The following LCP1 variants were observed in gnomAD, a reference collection of about 807,000 sequenced individuals.
LCP1 encodes lymphocyte cytosolic protein 1, also known as plastin-2.
A neutral mutation model predicts 72.0 loss-of-function variants in LCP1; 23 were observed. The observed-to-expected ratio is 0.32, with a 90% confidence interval of 0.23 to 0.45. The LOEUF is 0.45. LCP1 is among the 20% of genes least tolerant of loss of function. The pLI, the probability that LCP1 is intolerant of heterozygous loss-of-function variation, is 1.00. For missense variants in LCP1, 571 were observed against 748.3 expected (o/e 0.76, Z 2.76); for synonymous variants, 245 against 275.4 (o/e 0.89, Z 1.09).
At chr13:46,155,424 G>A (rs1019583021) in intron 5 of LCP1, among the ~76,000 whole-genome samples, 5 of 152,182 alleles carry the variant, frequency 3.3e-5, no homozygotes, top group African/African-American at 1.2e-4. Context: ...CAGATTGGGG[G>A]AAGACCATGG....
intron 1 of LCP1, among the ~76,000 whole-genome samples, chr13:46,163,154 A>G (rs536820497): frequency 1.1e-3 from 167 of 152,380 alleles, no homozygotes; most frequent in African/African-American, 4.0e-3. Context: ...CAGCTCATTG[A>G]GAACGGGCCA....
At chr13:46,146,129 A>G (rs2045729373) in intron 10 of LCP1, among the ~76,000 whole-genome samples, 1 of 152,136 alleles carries the variant, frequency 6.6e-6, no homozygotes, top group South Asian at 2.1e-4. Flanking sequence ...GAGTCAACAA[A>G]ATACACACAA....
Position 46,177,677 on chromosome 13 carries a change from C to T in LCP1, c.-25+4434G>A, listed in dbSNP as rs187556518. 4.6e-5 allele frequency among the ~76,000 whole-genome samples: 7 copies of T among 152,122 alleles called. No individual in the cohort carries two copies. In the East Asian group the frequency reaches 7.7e-4, roughly 17 times the overall value. ...TCGCGCCACTGCACTCCAGCCTGGG[C>T]GACAGAGTGAAACTCTGTCTCAAAA... is the stretch of plus-strand genomic sequence containing the variant. On this transcript the variant is annotated intron_variant, in intron 1 of 15. Transcript: ENST00000323076.
chr13:46,126,781 C>T lies in LCP1; in HGVS notation c.*810G>A, dbSNP rs958230489. The T allele has an allele frequency of 1.3e-5, 3 of 231,014 alleles. No individual in the cohort carries two copies. Among genetic ancestry groups the T allele is most frequent in the Admixed American group, 5.6e-5 (1 of 17,720 alleles). 14.3% of individuals were successfully genotyped at this position (231,014 alleles called of 1,614,324 possible). ...TGCTCCATTACACCCTCCTTGGATCCAACCTTCCATTAAGGCTGAAGGCTC... is the reference window on the plus strand; with the variant it reads ...TGCTCCATTACACCCTCCTTGGATCTAACCTTCCATTAAGGCTGAAGGCTC... On this transcript the variant is annotated 3_prime_UTR_variant, in exon 16 of 16. Transcript: ENST00000323076.
At chr13:46,171,375 G>A (rs889255766) in intron 1 of LCP1, among the ~76,000 whole-genome samples, 1 of 152,084 alleles carries the variant, frequency 6.6e-6, no homozygotes, top group Admixed American at 6.5e-5. Flanking sequence ...TGTTAATTAG[G>A]GAAACACATA....
chr13:46,170,202 C>T (rs1357117646), intron 1 of LCP1, among the ~76,000 whole-genome samples: 1 of 152,216 alleles, frequency 6.6e-6, no homozygotes, highest in African/African-American at 2.4e-5. Context: ...CTGAAAGGTA[C>T]AGACACCCAA....
At chr13:46,174,376 T>C (rs2045918161) in intron 1 of LCP1, among the ~76,000 whole-genome samples, 1 of 152,182 alleles carries the variant, frequency 6.6e-6, no homozygotes, top group Admixed American at 6.5e-5. Flanking sequence ...ATGTATAACA[T>C]TTCTTTTATC....
rs1454106582 is a variant in LCP1, at chr13:46,158,985, A to G, written c.69T>C (p.Thr23=). Residue 23 remains threonine, a synonymous_variant, in exon 3 of 16, where the codon ACT becomes ACC. Transcript: ENST00000323076. ...TGAAGCTGATGTATCCATTGCCATC[A>G]GTATCTGTAATGTACACAATATACT... ...ELREAFAKVD[T]DGNGYISFNE... 6.2e-7 allele frequency: 1 copy of G among 1,614,046 alleles called. No homozygotes were observed. Among genetic ancestry groups the G allele is most frequent in the Non-Finnish European group, 8.5e-7 (1 of 1,180,010 alleles).
chr13:46,162,863 C>G (rs2045851278), intron 1 of LCP1, among the ~76,000 whole-genome samples: 1 of 151,788 alleles, frequency 6.6e-6, no homozygotes, highest in Admixed American at 6.6e-5. Context: ...AGGAGCGTCT[C>G]TGCACGGCTG....
At chr13:46,181,913 G>A (rs548172921) in intron 1 of LCP1, among the ~76,000 whole-genome samples, 198 bp downstream of exon 1, 6 of 152,256 alleles carry the variant, frequency 3.9e-5, no homozygotes, top group Non-Finnish European at 5.9e-5. Flanking sequence ...CCAGAGAGCC[G>A]AGGTGCTCCA....
chr13:46,141,369 G>A (rs2045696615), intron 13 of LCP1, among the ~76,000 whole-genome samples: 1 of 125,234 alleles, frequency 8.0e-6, no homozygotes, highest in African/African-American at 3.1e-5. Flanking sequence ...TCACACTACT[G>A]CACTCCAGTC....
intron 7 of LCP1, among the ~76,000 whole-genome samples, chr13:46,152,549 C>T (rs1302570661): frequency 6.6e-6 from 1 of 152,098 alleles, no homozygotes; most frequent in Non-Finnish European, 1.5e-5. Context: ...AAGACTGAGC[C>T]CTATGCTCCA....
chr13:46,161,313 A>G lies in LCP1; in HGVS notation c.-24-1627T>C, dbSNP rs115652974. ...TGATTTGAAAATCATAGAATTATAT[A>G]TGTCTTCATTTAAATTTAAATGTAT... is the stretch of plus-strand genomic sequence containing the variant. On this transcript the variant is annotated intron_variant, in intron 1 of 15. Transcript: ENST00000323076. 5.3e-3 allele frequency among the ~76,000 whole-genome samples: 805 copies of G among 152,312 alleles called. 3 individuals are homozygous for G. The highest frequency in any genetic ancestry group is 0.019 in the African/African-American group (777 of 41,574).
chr13:46,132,561 G>T (rs763776674), intron 14 of LCP1, among the ~76,000 whole-genome samples: 15 of 152,186 alleles, frequency 9.9e-5, no homozygotes, highest in Non-Finnish European at 2.1e-4. Flanking sequence ...AGGAGCCCCT[G>T]GTAGCCAGAG....
At chr13:46,147,220 G>A in intron 9 of LCP1, 117 bp from the exon 10 acceptor site, 1 of 882,926 alleles carries the variant, frequency 1.1e-6, no homozygotes, top group Non-Finnish European at 1.7e-6. Flanking sequence ...ATCTCAGGCA[G>A]ACACTTAATA....
chr13:46,179,360 G>A (rs9595427), intron 1 of LCP1, among the ~76,000 whole-genome samples: 6,825 of 152,230 alleles, frequency 0.045, 508 homozygotes, highest in African/African-American at 0.16. Context: ...TCATGCGTAT[G>A]TAAGAAGCTG....
intron 14 of LCP1, among the ~76,000 whole-genome samples, chr13:46,132,690 A>G (rs2045641255): frequency 6.6e-6 from 1 of 152,084 alleles, no homozygotes; most frequent in Non-Finnish European, 1.5e-5. Context: ...ATCTGCTTGC[A>G]TCAGTGACCA....
chr13:46,163,047 C>T (rs1381521675), intron 1 of LCP1, among the ~76,000 whole-genome samples: 3 of 149,964 alleles, frequency 2.0e-5, no homozygotes, highest in East Asian at 2.1e-4. Flanking sequence ...CCGCCCCGTC[C>T]GGGAGGGAGG....
chr13:46,130,197 AC>A (rs2045625384), intron 15 of LCP1, among the ~76,000 whole-genome samples: 2 of 152,218 alleles, frequency 1.3e-5, no homozygotes, highest in Non-Finnish European at 2.9e-5. Flanking sequence ...ATGTTCATTA[AC>A]TTTTTTTGCA....
Sources: gnomAD v4.1 joint callset for allele counts (sites outside exome capture counted in the v4.1 genomes callset) on GRCh38, gnomAD v4.1.1 for gene constraint, MANE v1.5 for transcripts, NCBI Gene and HGNC (gene_info 2026-07-23, HGNC 2026-07-21) for gene names.